GRB2: variants seen among roughly 807,000 people sequenced by gnomAD.
The protein encoded by GRB2 is growth factor receptor-bound protein 2.
GRB2 carries 2 observed loss-of-function variants against 27.4 expected under a neutral mutation model. That is an observed-to-expected ratio of 0.07 (90% CI 0.03 to 0.23). The LOEUF is 0.23. Ranked by LOEUF, GRB2 falls within the 10% of genes least tolerant of loss-of-function variation. GRB2 has a pLI of 1.00. For synonymous variants in GRB2, 94 were observed against 99.6 expected (o/e 0.94, Z 0.33); for missense variants, 102 against 282.4 (o/e 0.36, Z 4.58).
intron 2 of GRB2, among the ~76,000 whole-genome samples, chr17:75,353,819 A>C (rs937666172): frequency 1.3e-5 from 2 of 151,870 alleles, no homozygotes; most frequent in African/African-American, 4.8e-5. Context: ...CAGGCGGATC[A>C]TCTGAGGTCA....
chr17:75,395,054 G>C (rs1255568940), intron 1 of GRB2: 2 of 152,132 alleles, frequency 1.3e-5, no homozygotes, highest in Non-Finnish European at 2.9e-5. Context: ...CACCTTTCTT[G>C]GATAATTACA....
intron 1 of GRB2, among the ~76,000 whole-genome samples, chr17:75,399,529 GACTA>G (rs1413556316): frequency 2.0e-5 from 3 of 150,988 alleles, no homozygotes; most frequent in African/African-American, 7.3e-5. Context: ...CACCACGACT[GACTA>G]ACTTTTGTAT....
At chr17:75,324,507 G>GTCTT (rs1555608338) in intron 4 of GRB2, among the ~76,000 whole-genome samples, 2 of 36,700 alleles carry the variant, frequency 5.4e-5, no homozygotes, top group Non-Finnish European at 1.1e-4. Context: ...ACCGCACCCA[G>GTCTT]TTTTTTTTTT....
chr17:75,369,462 T>C (rs2078841644), intron 2 of GRB2, among the ~76,000 whole-genome samples: 1 of 152,054 alleles, frequency 6.6e-6, no homozygotes, highest in Non-Finnish European at 1.5e-5. Context: ...TGAGAAAAAC[T>C]CCCATTTATT....
At chr17:75,375,779 A>G (rs1429814541) in intron 2 of GRB2, among the ~76,000 whole-genome samples, 1 of 152,076 alleles carries the variant, frequency 6.6e-6, no homozygotes, top group Non-Finnish European at 1.5e-5. Context: ...TAATCCCAAC[A>G]CTTTGGGAGG....
chr17:75,347,104 G>A (rs1293979047), intron 2 of GRB2, among the ~76,000 whole-genome samples: 2 of 152,016 alleles, frequency 1.3e-5, no homozygotes, highest in East Asian at 1.9e-4. Flanking sequence ...TCTCCCTGTC[G>A]TAGGCCTCAT....
At chr17:75,334,298 G>A (rs969974918) in intron 2 of GRB2, among the ~76,000 whole-genome samples, 3 of 151,852 alleles carry the variant, frequency 2.0e-5, no homozygotes, top group African/African-American at 7.3e-5. Context: ...AGCCTCCCGA[G>A]TGGCTGGGAC....
chr17:75,352,862 A>C (rs973374453), intron 2 of GRB2, among the ~76,000 whole-genome samples: 2 of 151,146 alleles, frequency 1.3e-5, no homozygotes, highest in Non-Finnish European at 2.9e-5. Flanking sequence ...CTCTGGGAGA[A>C]AAAGTTAACT....
chr17:75,362,033 A>G (rs1263282412), intron 2 of GRB2, among the ~76,000 whole-genome samples: 1 of 152,192 alleles, frequency 6.6e-6, no homozygotes, highest in Non-Finnish European at 1.5e-5. Context: ...TGTCAGAACC[A>G]CATACATTGT....
At chr17:75,335,189 G>A (rs2078568926) in intron 2 of GRB2, among the ~76,000 whole-genome samples, 1 of 152,154 alleles carries the variant, frequency 6.6e-6, no homozygotes, top group African/African-American at 2.4e-5. Context: ...ATCAGGTACA[G>A]CGTGAAAGCC....
At chr17:75,358,529 A>G (rs1289396525) in intron 2 of GRB2, among the ~76,000 whole-genome samples, 2 of 151,930 alleles carry the variant, frequency 1.3e-5, no homozygotes, top group Non-Finnish European at 2.9e-5. Flanking sequence ...TAAAACGGAG[A>G]AACATGTTAA....
intron 2 of GRB2, among the ~76,000 whole-genome samples, chr17:75,365,038 C>T (rs896389153): frequency 1.3e-5 from 2 of 152,038 alleles, no homozygotes; most frequent in African/African-American, 4.8e-5. Flanking sequence ...TAATGGCAGA[C>T]CATGAAGAGT....
intron 2 of GRB2, among the ~76,000 whole-genome samples, chr17:75,381,461 C>T (rs1369249106): frequency 2.0e-5 from 3 of 151,988 alleles, no homozygotes; most frequent in East Asian, 1.9e-4. Flanking sequence ...GGTACAGTGG[C>T]TCATCCCAGC....
chr17:75,397,685 A>C (rs563000864), intron 1 of GRB2, among the ~76,000 whole-genome samples: 248 of 152,312 alleles, frequency 1.6e-3, no homozygotes, highest in Non-Finnish European at 1.8e-3. Flanking sequence ...AAGTTGTGAA[A>C]CAAGCTCCAG....
At chr17:75,400,808 A>G (rs1180880281) in intron 1 of GRB2, among the ~76,000 whole-genome samples, 1 of 152,134 alleles carries the variant, frequency 6.6e-6, no homozygotes, top group Non-Finnish European at 1.5e-5. Context: ...TGCCTGACCA[A>G]TACATACTCT....
At chr17:75,384,904 T>G (rs974115564) in intron 2 of GRB2, among the ~76,000 whole-genome samples, 1 of 150,162 alleles carries the variant, frequency 6.7e-6, no homozygotes, top group Non-Finnish European at 1.5e-5. Flanking sequence ...ATAGAAAGGC[T>G]TTATTTACAG....
intron 2 of GRB2, among the ~76,000 whole-genome samples, chr17:75,335,159 T>C (rs1397634238): frequency 2.6e-5 from 4 of 152,112 alleles, no homozygotes; most frequent in Non-Finnish European, 4.4e-5. Flanking sequence ...GGGGGACTAG[T>C]ATATACGGAG....
rs1208795584 is a variant in GRB2 at position 75,354,277 on chromosome 17, G to GGC, written c.79-21481_79-21480insGC. Among the ~76,000 whole-genome samples the GGC allele has an allele frequency of 2.7e-5, 3 of 110,190 alleles. 1 individual carries two copies. Among genetic ancestry groups the GGC allele is most frequent in the Non-Finnish European group, 5.4e-5 (3 of 55,140 alleles). The allele number at this position is 110,190 out of a possible 152,430, so 72.3% of individuals were successfully genotyped here. On this transcript the variant is annotated intron_variant, in intron 2 of 5. Coordinates refer to ENST00000316804, the MANE Select transcript of GRB2 (RefSeq NM_002086.5). ...GGTCTTTTTTTTTGGGGGGGGGGGGGAGATGGAGTTTCACTCTTGTCTCCC... is the reference window on the plus strand; with the variant it reads ...GGTCTTTTTTTTTGGGGGGGGGGGGGGCAGATGGAGTTTCACTCTTGTCTCCC...
At chr17:75,374,259 C>G (rs2078876488) in intron 2 of GRB2, among the ~76,000 whole-genome samples, 2 of 151,676 alleles carry the variant, frequency 1.3e-5, no homozygotes, top group Non-Finnish European at 2.9e-5. Flanking sequence ...CAAAAATTAG[C>G]CAGACGTAGT....
Sources: allele counts gnomAD v4.1 joint callset (sites outside exome capture counted in the v4.1 genomes callset), GRCh38; gene constraint gnomAD v4.1.1; transcripts MANE v1.5; gene names NCBI Gene and HGNC (gene_info 2026-07-23, HGNC 2026-07-21).